SLC4A8: variants seen among roughly 807,000 people sequenced by gnomAD.
SLC4A8 encodes the protein electroneutral sodium bicarbonate exchanger 1.
Under a neutral mutation model 125.0 loss-of-function variants are expected in SLC4A8, and 40 were observed. That is an observed-to-expected ratio of 0.32 (90% CI 0.25 to 0.42). The LOEUF is 0.42. SLC4A8 is among the 10% of genes least tolerant of loss of function. The pLI is 1.00. For synonymous variants in SLC4A8, 456 were observed against 476.0 expected (o/e 0.96, Z 0.55); for missense variants, 863 against 1,355.1 (o/e 0.64, Z 5.70).
intron 1 of SLC4A8, chr12:51,392,913 T>C (rs958218852): frequency 3.3e-5 from 5 of 152,242 alleles, no homozygotes; most frequent in African/African-American, 1.2e-4. Flanking sequence ...ATTTGAAAAC[T>C]TTCTATGGTA....
chr12:51,499,212 G>A (rs916215470), intron 22 of SLC4A8, among the ~76,000 whole-genome samples: 4 of 152,054 alleles, frequency 2.6e-5, no homozygotes, highest in Non-Finnish European at 5.9e-5. Flanking sequence ...ATATGTGGAC[G>A]TGTTTCTGAC....
intron 5 of SLC4A8, among the ~76,000 whole-genome samples, chr12:51,456,007 G>A (rs537605447): frequency 6.6e-6 from 1 of 152,184 alleles, no homozygotes. Flanking sequence ...ACAGGGTAAT[G>A]ATCAATCAGA....
chr12:51,391,662 A>T (rs1380647555), intron 1 of SLC4A8: 1 of 152,108 alleles, frequency 6.6e-6, no homozygotes, highest in Non-Finnish European at 1.5e-5. Context: ...TCCCCACCGG[A>T]CGGCCGGGAG....
intron 1 of SLC4A8, among the ~76,000 whole-genome samples, chr12:51,433,085 C>G (rs541758565): frequency 2.0e-5 from 3 of 152,154 alleles, no homozygotes; most frequent in Non-Finnish European, 2.9e-5. Context: ...GTGGCTGCTT[C>G]CAGGAGCTGG....
intron 13 of SLC4A8, 76 bp downstream of exon 13, chr12:51,470,601 C>A: frequency 7.4e-7 from 1 of 1,351,432 alleles, no homozygotes; most frequent in Non-Finnish European, 1.1e-6. Context: ...CAGGGTTCTA[C>A]TCAGTACAGA....
chr12:51,394,236 G>A (rs750048242), intron 1 of SLC4A8, among the ~76,000 whole-genome samples: 2 of 152,242 alleles, frequency 1.3e-5, no homozygotes, highest in Non-Finnish European at 1.5e-5. Flanking sequence ...AGCAGTCTGC[G>A]TTGTGTGTTT....
chr12:51,449,929 T>C lies in SLC4A8; in HGVS notation c.131-947T>C, dbSNP rs374142075. On this transcript the variant is annotated intron_variant, in intron 2 of 24. Transcript: ENST00000453097. Reference sequence around the variant, plus strand: ...ATGTATTCCTAGCTACTTGGGAGACTGAGGTGGGAGGATTGCTTGAGCCCA... The same window carrying C: ...ATGTATTCCTAGCTACTTGGGAGACCGAGGTGGGAGGATTGCTTGAGCCCA... Among the ~76,000 whole-genome samples, 7 of 152,050 alleles carry C rather than the reference T, an allele frequency of 4.6e-5. No individual in the cohort carries two copies. In the East Asian group the frequency reaches 1.3e-3, roughly 29 times the overall value.
At chr12:51,486,246 A>C (rs966857977) in intron 17 of SLC4A8, among the ~76,000 whole-genome samples, 1 of 152,330 alleles carries the variant, frequency 6.6e-6, no homozygotes, top group Non-Finnish European at 1.5e-5. Flanking sequence ...GGTCTCTGGA[A>C]CAAGCCTCGT....
In SLC4A8 at chr12:51,495,121, G is replaced by A. The variant is rs1312688512; in HGVS notation, c.2943+3G>A. ...CTGCCATTGTTTTCCCAATGATGGTGAGGTGGTTTTTAAAAAATAAATTCT... is the reference window on the plus strand; with the variant it reads ...CTGCCATTGTTTTCCCAATGATGGTAAGGTGGTTTTTAAAAAATAAATTCT... On this transcript the variant is annotated splice_donor_region_variant and intron_variant, in intron 21 of 24. Transcript: ENST00000453097. 1 of 1,593,348 alleles carries A rather than the reference G, an allele frequency of 6.3e-7. No individual in the cohort carries two copies. The highest frequency in any genetic ancestry group is 1.8e-5 in the Admixed American group (1 of 54,880).
chr12:51,514,243 C>T lies in SLC4A8; in HGVS notation c.*6805C>T, dbSNP rs147951877. On this transcript the variant is annotated 3_prime_UTR_variant, in exon 25 of 25. Coordinates refer to ENST00000453097, the MANE Select transcript of SLC4A8 (RefSeq NM_001039960.3). ...AACTTCTCAGGTTTCCAAGCCACAT[C>T]CTAGCAGGGCATCCAGGAGCCTTGC... 1.3e-5 allele frequency: 2 copies of T among 152,784 alleles called. No homozygotes were observed. Among genetic ancestry groups the T allele is most frequent in the East Asian group, 1.9e-4 (1 of 5,186 alleles). The allele number at this position is 152,784 out of a possible 1,614,324, so 9.5% of individuals were successfully genotyped here. A position where few individuals can be genotyped will look rare whatever the true frequency, so the allele number is the denominator to read the frequency against.
chr12:51,413,015 A>G (rs6580833), intron 1 of SLC4A8, among the ~76,000 whole-genome samples: 4 of 152,204 alleles, frequency 2.6e-5, no homozygotes, highest in East Asian at 1.9e-4. Flanking sequence ...AATGTCTGTA[A>G]TAATACACAT....
intron 20 of SLC4A8, 186 bp from the exon 21 acceptor site, chr12:51,494,759 G>T (rs1306741499): frequency 2.1e-6 from 1 of 475,380 alleles, no homozygotes; most frequent in Non-Finnish European, 3.8e-6. Context: ...TTCAAATTTT[G>T]ACTTTGCCAC....
At position 51,469,668 on chromosome 12, in the gene SLC4A8, C is replaced by T. The variant is rs777613270; in HGVS notation, c.1404C>T (p.Ser468=). The change falls in exon 12 of 25, where the codon AGC becomes AGT. Residue 468 remains serine (S), a synonymous_variant. Transcript: ENST00000453097. The part of the protein sequence containing the change: ...DIKRKAPWYW[S]DYRDALSLQC... ...AGCGGAAGGCCCCCTGGTACTGGAG[C>T]GACTACCGAGATGCACTCAGCTTAC... The T allele has an allele frequency of 4.3e-6, 7 of 1,613,928 alleles. No homozygotes were observed. The highest frequency in any genetic ancestry group is 1.3e-5 in the African/African-American group (1 of 74,980).
At chr12:51,461,113 TAA>T (rs1950312079) in intron 8 of SLC4A8, 89 bp from the exon 9 acceptor site, 1 of 602,462 alleles carries the variant, frequency 1.7e-6, no homozygotes, top group African/African-American at 1.9e-5. Context: ...TTATGTACGA[TAA>T]GAGAGAGAAA....
In SLC4A8 at chr12:51,505,780, T is replaced by C. The variant is rs1051566590; in HGVS notation, c.3174-55T>C. ...TTGGGACAGTGATCATTATAGACTG[T>C]GGTATGTATTTTACTTGTATGTCTG... On this transcript the variant is annotated intron_variant, in intron 23 of 24. Transcript: ENST00000453097. 5 of 782,902 alleles carry C rather than the reference T, an allele frequency of 6.4e-6. No individual in the cohort carries two copies. The African/African-American group carries it at 8.6e-5, about 13-fold the overall frequency. The allele number at this position is 782,902 out of a possible 1,614,324, so 48.5% of individuals were successfully genotyped here.
At chr12:51,495,470 C>CTTCTT (rs1951436275) in intron 21 of SLC4A8, among the ~76,000 whole-genome samples, 4 of 76,300 alleles carry the variant, frequency 5.2e-5, no homozygotes, top group Non-Finnish European at 7.1e-5. Context: ...TTTCTTTCTT[C>CTTCTT]TTTTTTTTTT....
intron 23 of SLC4A8, among the ~76,000 whole-genome samples, chr12:51,505,051 G>A (rs1190872686): frequency 1.3e-5 from 2 of 152,210 alleles, no homozygotes; most frequent in African/African-American, 4.8e-5. Context: ...TACTGTGGGG[G>A]AAATTAGGAC....
At chr12:51,479,291 A>G (rs1228242682) in intron 16 of SLC4A8, among the ~76,000 whole-genome samples, 1 of 152,236 alleles carries the variant, frequency 6.6e-6, no homozygotes, top group East Asian at 1.9e-4. Flanking sequence ...TCCCCATAGA[A>G]TAATGACTCC....
At chr12:51,444,103 A>G (rs1244458336) in intron 2 of SLC4A8, among the ~76,000 whole-genome samples, 1 of 152,234 alleles carries the variant, frequency 6.6e-6, no homozygotes, top group Non-Finnish European at 1.5e-5. Context: ...TTAGATGGGA[A>G]AAAAATGGGA....
Sources: allele counts gnomAD v4.1 joint callset (sites outside exome capture counted in the v4.1 genomes callset), GRCh38; gene constraint gnomAD v4.1.1; transcripts MANE v1.5; gene names NCBI Gene and HGNC (gene_info 2026-07-23, HGNC 2026-07-21).